Variants in PIEZO2 observed in about 807,000 individuals in gnomAD.
PIEZO2 encodes the protein piezo type mechanosensitive ion channel component 2.
PIEZO2 carries 172 observed loss-of-function variants against 337.3 expected under a neutral mutation model. The ratio of observed to expected loss-of-function variants is 0.51; its 90% CI spans 0.45 to 0.58. The LOEUF is 0.58. Among genes scored for constraint, PIEZO2 ranks in the 20% least tolerant of loss-of-function variants. The pLI, the probability that PIEZO2 is intolerant of heterozygous loss-of-function variation, is 0.00. For missense variants in PIEZO2, 3,028 were observed against 3,391.3 expected, an observed-to-expected ratio of 0.89 and a Z score of 2.66; for synonymous variants, 1,251 against 1,228.5, an observed-to-expected ratio of 1.02 and a Z score of -0.38.
rs142072845 is a variant in PIEZO2 at position 10,909,864 on chromosome 18, G to A, written c.329+1322C>T. Among the ~76,000 whole-genome samples, 19 of 152,236 alleles carry A rather than the reference G, an allele frequency of 1.2e-4. No homozygotes were observed. The East Asian group carries it at 2.9e-3, about 23-fold the overall frequency. ...TCTGACCACCCCAAATCAACTTCCC[G>A]CAATACCTTAAGAATTATGAGCACT... is the stretch of plus-strand genomic sequence containing the variant. On this transcript the variant is annotated intron_variant, in intron 4 of 55. Coordinates refer to ENST00000674853, the MANE Select transcript of PIEZO2 (RefSeq NM_001378183.1).
At chr18:10,786,358 C>T (rs1477538171) in intron 16 of PIEZO2, among the ~76,000 whole-genome samples, 2 of 152,218 alleles carry the variant, frequency 1.3e-5, no homozygotes, top group Non-Finnish European at 2.9e-5. Flanking sequence ...AGCACATGGA[C>T]AGCATTTAAT....
chr18:11,043,630 T>C (rs2660252), intron 2 of PIEZO2, among the ~76,000 whole-genome samples: 70,866 of 151,860 alleles, frequency 0.47, 17,667 homozygotes, highest in African/African-American at 0.65. Flanking sequence ...TCATGAAATC[T>C]ACTGGAAAAA....
In PIEZO2 at chr18:11,131,575, C is replaced by A. The variant is rs2040340929; in HGVS notation, c.64+16950G>T. Among the ~76,000 whole-genome samples the A allele has an allele frequency of 6.6e-6, 1 of 152,212 alleles. No homozygotes were observed. The highest frequency in any genetic ancestry group is 2.4e-5 in the African/African-American group (1 of 41,460). ...AGGGAAATCTTCCCAGTGGGCAGAA[C>A]TTCGAGCCATGCACCTGGCTGTGCA... On this transcript the variant is annotated intron_variant, in intron 1 of 55. Coordinates refer to ENST00000674853, the MANE Select transcript of PIEZO2 (RefSeq NM_001378183.1). The surrounding 1 kb of genome is among the most constrained non-coding windows in gnomAD (Gnocchi z 5.3).
chr18:10,944,888 A>G (rs891114943), intron 3 of PIEZO2, among the ~76,000 whole-genome samples: 2 of 151,904 alleles, frequency 1.3e-5, no homozygotes, highest in Non-Finnish European at 2.9e-5. Context: ...CTAAGGGGGG[A>G]GAAAAAGAAG....
At chr18:10,975,604 A>C (rs1167155128) in intron 3 of PIEZO2, among the ~76,000 whole-genome samples, 1 of 152,192 alleles carries the variant, frequency 6.6e-6, no homozygotes, top group Non-Finnish European at 1.5e-5. Context: ...ACTGCCAGTT[A>C]ATATTCACAG....
intron 1 of PIEZO2, among the ~76,000 whole-genome samples, chr18:11,133,962 C>A (rs1343574450): frequency 1.3e-5 from 2 of 151,798 alleles, no homozygotes; most frequent in Non-Finnish European, 2.9e-5. Flanking sequence ...AAAATAATTC[C>A]AGTGTGGTTA....
At position 11,111,033 on chromosome 18, in the gene PIEZO2, T is replaced by G. The variant is rs2039715095; in HGVS notation, c.64+37492A>C. 6.6e-6 allele frequency among the ~76,000 whole-genome samples: 1 copy of G among 152,070 alleles called. No individual in the cohort carries two copies. Among genetic ancestry groups the G allele is most frequent in the Admixed American group, 6.5e-5 (1 of 15,276 alleles). ...TGAGATACTTCAGTGCAGCTGCAAATGGACGTCCGGGCAGACAGGGCAGAG... is the reference window on the plus strand; with the variant it reads ...TGAGATACTTCAGTGCAGCTGCAAAGGGACGTCCGGGCAGACAGGGCAGAG... On this transcript the variant is annotated intron_variant, in intron 1 of 55. Coordinates refer to ENST00000674853, the MANE Select transcript of PIEZO2 (RefSeq NM_001378183.1). This position sits in a 1 kb window ranked among gnomAD's most constrained non-coding sequence, Gnocchi z 6.2.
chr18:10,731,113 A>C (rs1358608317), intron 36 of PIEZO2, among the ~76,000 whole-genome samples: 3 of 147,310 alleles, frequency 2.0e-5, no homozygotes, highest in Non-Finnish European at 4.5e-5. Context: ...CCATGTAAGA[A>C]ATAAGTTTTC....
intron 21 of PIEZO2, among the ~76,000 whole-genome samples, chr18:10,769,266 G>A (rs1019035261): frequency 1.3e-5 from 2 of 152,154 alleles, no homozygotes; most frequent in South Asian, 2.1e-4. Context: ...ATTTCCCCAC[G>A]AATCTCGCAG....
chr18:11,041,983 C>T (rs556089176), intron 2 of PIEZO2, among the ~76,000 whole-genome samples: 19 of 152,292 alleles, frequency 1.2e-4, no homozygotes, highest in African/African-American at 4.6e-4. Context: ...CTCTGAGCTC[C>T]TGGTTGGCTA....
chr18:10,898,050 A>T (rs2042948322), intron 4 of PIEZO2, among the ~76,000 whole-genome samples: 1 of 152,262 alleles, frequency 6.6e-6, no homozygotes, highest in African/African-American at 2.4e-5. Flanking sequence ...TAAGTGCAAC[A>T]AATGTTTATT....
intron 1 of PIEZO2, among the ~76,000 whole-genome samples, chr18:11,130,994 G>A (rs1290947674): frequency 6.6e-6 from 1 of 152,190 alleles, no homozygotes; most frequent in African/African-American, 2.4e-5. Context: ...TGGCAGATAG[G>A]GATGCTGTTT....
intron 21 of PIEZO2, among the ~76,000 whole-genome samples, chr18:10,768,855 CTTTTCTGATGGATGGA>C (rs2038474862): frequency 6.6e-6 from 1 of 152,132 alleles, no homozygotes; most frequent in Non-Finnish European, 1.5e-5. Context: ...TCCTTTAACC[CTTTTCTGATGGATGGA>C]TTGTACAACA....
At chr18:11,079,617 C>G (rs72874243) in intron 1 of PIEZO2, among the ~76,000 whole-genome samples, 3 of 152,130 alleles carry the variant, frequency 2.0e-5, no homozygotes, top group African/African-American at 7.2e-5. Context: ...TTTCTGCACA[C>G]AGTAAGCATT....
chr18:10,958,702 C>T (rs1234436191), intron 3 of PIEZO2, among the ~76,000 whole-genome samples: 1 of 152,114 alleles, frequency 6.6e-6, no homozygotes, highest in African/African-American at 2.4e-5. Context: ...ACAATAATGC[C>T]TGTCAGTTTT....
Position 11,070,920 on chromosome 18 carries a change from A to G in PIEZO2, c.65-4698T>C, listed in dbSNP as rs1477875782. 6.6e-6 allele frequency among the ~76,000 whole-genome samples: 1 copy of G among 152,178 alleles called. No homozygotes were observed. Among genetic ancestry groups the G allele is most frequent in the Non-Finnish European group, 1.5e-5 (1 of 68,030 alleles). On this transcript the variant is annotated intron_variant, in intron 1 of 55. Coordinates refer to ENST00000674853, the MANE Select transcript of PIEZO2 (RefSeq NM_001378183.1). This position sits in a 1 kb window ranked among gnomAD's most constrained non-coding sequence, Gnocchi z 4.3. ...GTACCCAGACAGGAAGACCAGATCA[A>G]GAAGCACTAATCCCAGAATGCGGAC...
At chr18:10,756,161 G>T (rs2037836340) in intron 27 of PIEZO2, among the ~76,000 whole-genome samples, 1 of 149,042 alleles carries the variant, frequency 6.7e-6, no homozygotes, top group East Asian at 2.0e-4. Flanking sequence ...AGAAAGAAAT[G>T]GAAGAGAAGG....
At chr18:10,816,481 TTGAC>T (rs2040367148) in intron 7 of PIEZO2, among the ~76,000 whole-genome samples, 1 of 152,226 alleles carries the variant, frequency 6.6e-6, no homozygotes, top group Non-Finnish European at 1.5e-5. Context: ...TCAGGAATGT[TTGAC>T]TGAATGATTA....
intron 11 of PIEZO2, among the ~76,000 whole-genome samples, chr18:10,800,070 T>C (rs1283326233): frequency 6.6e-6 from 1 of 152,014 alleles, no homozygotes; most frequent in African/African-American, 2.4e-5. Context: ...ATAGATGCTA[T>C]ACCTAAGTTG....
Sources: gnomAD v4.1 joint callset for allele counts (sites outside exome capture counted in the v4.1 genomes callset) on GRCh38, gnomAD v4.1.1 for gene constraint, Gnocchi (gnomAD v3.1) non-coding constraint, MANE v1.5 for transcripts, NCBI Gene and HGNC (gene_info 2026-07-23, HGNC 2026-07-21) for gene names.